MRPS18C: variants seen among roughly 807,000 people sequenced by gnomAD.
MRPS18C encodes the protein mitochondrial ribosomal protein S18C, also known as small ribosomal subunit protein bS18m.
In MRPS18C, 21 loss-of-function variants were observed where a neutral mutation model predicts 21.0. That is an observed-to-expected ratio of 1.00 (90% CI 0.71 to 1.44). The LOEUF (loss-of-function observed/expected upper bound fraction) is 1.44. MRPS18C is among the 40% of genes most tolerant of loss of function. The probability of loss-of-function intolerance (pLI) is 0.00; values close to 1 mark genes in which losing one functional copy is unlikely to be tolerated. For synonymous variants in MRPS18C, 65 were observed against 54.3 expected (o/e 1.20, Z -0.87); for missense variants, 152 against 171.5 (o/e 0.89, Z 0.64).
In MRPS18C at chr4:83,458,417, T is replaced by C; in HGVS notation, c.222T>C (p.Tyr74=). 1 of 1,592,170 alleles carries C rather than the reference T, an allele frequency of 6.3e-7. No homozygotes were observed. The change falls in exon 3 of 6, where the codon TAT becomes TAC. Residue 74 remains tyrosine (Y), a synonymous_variant. Coordinates refer to ENST00000295491, the MANE Select transcript of MRPS18C (RefSeq NM_016067.4). The part of the protein sequence containing the change: ...KCILCGKHVD[Y]KNVQLLSQFV... ...TCTTGTGTGGAAAGCATGTAGATTATAAGAATGTACAGGTGAGATCTGGTT... is the reference window on the plus strand; with the variant it reads ...TCTTGTGTGGAAAGCATGTAGATTACAAGAATGTACAGGTGAGATCTGGTT...
At chr4:83,457,973 C>T (rs1721927610) in intron 2 of MRPS18C, 1 of 211,236 alleles carries the variant, frequency 4.7e-6, no homozygotes, top group South Asian at 7.0e-5. Flanking sequence ...TTGATAGAGA[C>T]ATGGGGATGG....
Position 83,461,185 on chromosome 4 carries a change from A to G in MRPS18C, c.417A>G (p.Arg139=). ...YLKDPKVCNI[R]YRE ...AGGACCCTAAAGTTTGTAACATCAG[A>G]TATCGGGAATAAATTCTATCACGTT... is the stretch of plus-strand genomic sequence containing the variant. Residue 139 remains arginine (R), a synonymous_variant, in exon 6 of 6, where the codon AGA becomes AGG. Transcript: ENST00000295491. 1 of 1,611,868 alleles carries G rather than the reference A, an allele frequency of 6.2e-7. No individual in the cohort carries two copies. The highest frequency in any genetic ancestry group is 2.0e-4 in the Middle Eastern group (1 of 4,918).
Position 83,456,060 on chromosome 4 carries a change from T to C in MRPS18C, c.-18T>C. 6.2e-7 allele frequency: 1 copy of C among 1,610,686 alleles called. No homozygotes were observed. Among genetic ancestry groups the C allele is most frequent in the Non-Finnish European group, 8.5e-7 (1 of 1,178,788 alleles). On this transcript the variant is annotated 5_prime_UTR_variant, in exon 1 of 6. Coordinates refer to ENST00000295491, the MANE Select transcript of MRPS18C (RefSeq NM_016067.4). ...CGGAACGATTTGGAACGAAAGGAAG[T>C]GGAAGAAACGCGGAACCATGGCCGC...
rs761655151 is a variant in MRPS18C, at chr4:83,456,978, T to G, written c.150+20T>G. 5.0e-6 allele frequency: 8 copies of G among 1,608,298 alleles called. No individual in the cohort carries two copies. In the South Asian group the frequency reaches 8.9e-5, roughly 18 times the overall value. On this transcript the variant is annotated intron_variant, in intron 2 of 5. Coordinates refer to ENST00000295491, the MANE Select transcript of MRPS18C (RefSeq NM_016067.4). Reference sequence around the variant, plus strand: ...GACCTGGTAAGAATTTTTTTTTCTATTAGTAAGGCCTTTGCAAATATGACC... The same window carrying G: ...GACCTGGTAAGAATTTTTTTTTCTAGTAGTAAGGCCTTTGCAAATATGACC...
At chr4:83,457,671 C>A (rs892100863) in intron 2 of MRPS18C, 1 of 152,066 alleles carries the variant, frequency 6.6e-6, no homozygotes, top group Non-Finnish European at 1.5e-5. Context: ...AGTTATGGAC[C>A]CTCTCCACAG....
intron 1 of MRPS18C, 111 bp from the exon 2 acceptor site, chr4:83,456,798 C>T (rs1199236885): frequency 9.4e-7 from 1 of 1,066,680 alleles, no homozygotes; most frequent in Non-Finnish European, 1.4e-6. Context: ...AATACAAAAC[C>T]TTTCTTTAAT....
Position 83,461,118 on chromosome 4 carries a change from C to A in MRPS18C, c.353-3C>A. 6.2e-7 allele frequency: 1 copy of A among 1,613,602 alleles called. No homozygotes were observed. The highest frequency in any genetic ancestry group is 8.5e-7 in the Non-Finnish European group (1 of 1,179,722). On this transcript the variant is annotated splice_region_variant and splice_polypyrimidine_tract_variant and intron_variant, in intron 5 of 5. Coordinates refer to ENST00000295491, the MANE Select transcript of MRPS18C (RefSeq NM_016067.4). ...GTCAAGAACTTTAATTATCTCTTTACAGGGTTTATGCCAGTTACATACAAG... is the reference window on the plus strand; with the variant it reads ...GTCAAGAACTTTAATTATCTCTTTAAAGGGTTTATGCCAGTTACATACAAG...
Position 83,461,423 on chromosome 4 carries a change from A to C in MRPS18C, c.*226A>C. On this transcript the variant is annotated 3_prime_UTR_variant, in exon 6 of 6. Coordinates refer to ENST00000295491, the MANE Select transcript of MRPS18C (RefSeq NM_016067.4). ...AAGTGGTTCTGTGTGATTGTCATTTATATCTGATCCCCAAATAGCTCATAC... is the reference window on the plus strand; with the variant it reads ...AAGTGGTTCTGTGTGATTGTCATTTCTATCTGATCCCCAAATAGCTCATAC... 1 of 490,144 alleles carries C rather than the reference A, an allele frequency of 2.0e-6. No homozygotes were observed. Among genetic ancestry groups the C allele is most frequent in the Non-Finnish European group, 3.7e-6 (1 of 268,934 alleles). 30.4% of individuals were successfully genotyped at this position (490,144 alleles called of 1,614,324 possible). A position where few individuals can be genotyped will look rare whatever the true frequency, so the allele number is the denominator to read the frequency against.
intron 3 of MRPS18C, 38 bp from the exon 4 acceptor site, chr4:83,459,702 A>G: frequency 6.4e-7 from 1 of 1,560,350 alleles, no homozygotes; most frequent in African/African-American, 1.4e-5. Context: ...TAAATAACAG[A>G]TACTTTTTTT....
chr4:83,462,135 C>A lies in MRPS18C; in HGVS notation c.*938C>A. On this transcript the variant is annotated 3_prime_UTR_variant, in exon 6 of 6. Coordinates refer to ENST00000295491, the MANE Select transcript of MRPS18C (RefSeq NM_016067.4). ...CTCTAACTCCTAACTTCAATCAATC[C>A]TCCTGACTTGTCTTCCCTAAGTGCT... The A allele has an allele frequency of 3.7e-6, 1 of 266,674 alleles. No individual in the cohort carries two copies. The highest frequency in any genetic ancestry group is 7.1e-6 in the Non-Finnish European group (1 of 140,896). 16.5% of individuals were successfully genotyped at this position (266,674 alleles called of 1,614,324 possible). A position where few individuals can be genotyped will look rare whatever the true frequency, so the allele number is the denominator to read the frequency against.
chr4:83,457,806 G>A (rs982993464), intron 2 of MRPS18C: 4 of 154,668 alleles, frequency 2.6e-5, no homozygotes, highest in African/African-American at 9.6e-5. Context: ...GTAGGAAGGA[G>A]GCACTGTGAC....
Position 83,461,493 on chromosome 4 carries a change from T to C in MRPS18C, c.*296T>C, listed in dbSNP as rs192857866. The C allele has an allele frequency of 5.9e-6, 2 of 337,884 alleles. No individual in the cohort carries two copies. The highest frequency in any genetic ancestry group is 5.0e-5 in the South Asian group (1 of 20,154). 20.9% of individuals were successfully genotyped at this position (337,884 alleles called of 1,614,324 possible). A position where few individuals can be genotyped will look rare whatever the true frequency, so the allele number is the denominator to read the frequency against. Reference sequence around the variant, plus strand: ...TGGAATTAAAACTGTTCAGAATGATTTTCCAACTAGCAAATATAAGTATGC... The same window carrying C: ...TGGAATTAAAACTGTTCAGAATGATCTTCCAACTAGCAAATATAAGTATGC... On this transcript the variant is annotated 3_prime_UTR_variant, in exon 6 of 6. Transcript: ENST00000295491.
intron 3 of MRPS18C, 63 bp from the exon 4 acceptor site, chr4:83,459,677 T>C (rs1300823245): frequency 1.4e-6 from 2 of 1,455,368 alleles, no homozygotes; most frequent in Admixed American, 1.9e-5. Context: ...TTTTTGAAAT[T>C]TACACATTCA....
chr4:83,456,180 A>G lies in MRPS18C; in HGVS notation c.100+3A>G, dbSNP rs757210217. 8.1e-6 allele frequency: 13 copies of G among 1,611,974 alleles called. No individual in the cohort carries two copies. Among genetic ancestry groups the G allele is most frequent in the Admixed American group, 6.7e-5 (4 of 59,996 alleles). On this transcript the variant is annotated splice_donor_region_variant and intron_variant, in intron 1 of 5. Transcript: ENST00000295491. ...TACACATCCCGGGACTCACACGGGT[A>G]AAGTCTCCATATCCTATGCTCCATT...
In MRPS18C at chr4:83,459,785, A is replaced by G. The variant is rs758603616; in HGVS notation, c.280A>G (p.Arg94Gly). The part of the protein sequence containing the change: ...VSPFTGCIYG[R>G]HITGLCGKKQ... ...TCCATTTACTGGATGCATTTATGGAAGGCACATTACAGGTATGTTCTTTTT... is the reference window on the plus strand; with the variant it reads ...TCCATTTACTGGATGCATTTATGGAGGGCACATTACAGGTATGTTCTTTTT... Residue 94 changes from arginine (R) to glycine (G), a missense_variant, in exon 4 of 6, where the codon AGG (arginine) becomes GGG (glycine). Arg to Gly is a moderately radical substitution (Grantham distance 125). Transcript: ENST00000295491. 6.2e-7 allele frequency: 1 copy of G among 1,608,736 alleles called. No individual in the cohort carries two copies. The highest frequency in any genetic ancestry group is 1.7e-5 in the Admixed American group (1 of 59,704).
Position 83,456,084 on chromosome 4 carries a change from G to C in MRPS18C, c.7G>C (p.Ala3Pro), listed in dbSNP as rs766572264. The C allele has an allele frequency of 6.2e-7, 1 of 1,612,494 alleles. No homozygotes were observed. The highest frequency in any genetic ancestry group is 8.5e-7 in the Non-Finnish European group (1 of 1,180,016). The change falls in exon 1 of 6, where the codon GCT becomes CCT. Residue 3 changes from alanine to proline, a missense_variant. Physicochemically the swap from Ala to Pro is conservative, Grantham distance 27 (BLOSUM62 -1). Transcript: ENST00000295491. MA[A>P]VVAVCGGLGR... ...GTGGAAGAAACGCGGAACCATGGCCGCTGTGGTTGCTGTTTGCGGTGGTCT... is the reference window on the plus strand; with the variant it reads ...GTGGAAGAAACGCGGAACCATGGCCCCTGTGGTTGCTGTTTGCGGTGGTCT...
Position 83,456,924 on chromosome 4 carries a change from G to T in MRPS18C, c.116G>T (p.Gly39Val), listed in dbSNP as rs1175285946. ...PGTHTVLWRR[G>V]CSQQVSSNED... ...TTAATCGCAGTGCTTTGGAGAAGAG[G>T]TTGTTCACAACAGGTATCCAGCAAT... is the stretch of plus-strand genomic sequence containing the variant. Residue 39 changes from glycine (G) to valine (V), a missense_variant, in exon 2 of 6, where the codon GGT becomes GTT. Gly to Val is a moderately radical substitution (Grantham distance 109). This residue lies in a region of MRPS18C where 118 missense variants were observed against 104.4 expected (regional missense o/e 1.13). Coordinates refer to ENST00000295491, the MANE Select transcript of MRPS18C (RefSeq NM_016067.4). 2 of 1,612,348 alleles carry T rather than the reference G, an allele frequency of 1.2e-6. No homozygotes were observed. The highest frequency in any genetic ancestry group is 2.7e-5 in the African/African-American group (2 of 74,872).
chr4:83,462,081 CAT>C lies in MRPS18C; in HGVS notation c.*885_*886del, dbSNP rs1452296925. ...CTTTTCCATTTTATTTTTTAATAGA[CAT>C]GGTCTCAATACGTTGCCCAGGCTGG... On this transcript the variant is annotated 3_prime_UTR_variant, in exon 6 of 6. Transcript: ENST00000295491. The C allele has an allele frequency of 3.0e-5, 7 of 234,262 alleles. No homozygotes were observed. In the East Asian group the frequency reaches 4.3e-4, roughly 14 times the overall value. The allele number at this position is 234,262 out of a possible 1,614,324, so 14.5% of individuals were successfully genotyped here.
At position 83,456,904 on chromosome 4, in the gene MRPS18C, C is replaced by T. The variant is rs760111790; in HGVS notation, c.101-5C>T. ...TGGTTAATTGCTGTTTCTGTTTAAT[C>T]GCAGTGCTTTGGAGAAGAGGTTGTT... On this transcript the variant is annotated splice_polypyrimidine_tract_variant and splice_region_variant and intron_variant, in intron 1 of 5. Coordinates refer to ENST00000295491, the MANE Select transcript of MRPS18C (RefSeq NM_016067.4). 1.6e-5 allele frequency: 25 copies of T among 1,610,718 alleles called. No homozygotes were observed. The highest frequency in any genetic ancestry group is 4.5e-5 in the East Asian group (2 of 44,830).
Sources: allele counts gnomAD v4.1 joint callset, GRCh38; gene constraint gnomAD v4.1.1; regional missense constraint gnomAD v4.1.1; transcripts MANE v1.5; gene names NCBI Gene and HGNC (gene_info 2026-07-23, HGNC 2026-07-21).